MORN1: variants seen among roughly 807,000 people sequenced by gnomAD.
MORN1 encodes the protein MORN repeat containing 1, also known as MORN repeat-containing protein 1.
In MORN1, 67 loss-of-function variants were observed where a neutral mutation model predicts 61.9. The ratio of observed to expected loss-of-function variants is 1.08; its 90% CI spans 0.89 to 1.33. The LOEUF is 1.33. Ranked by LOEUF, MORN1 falls within the 40% of genes most tolerant of loss-of-function variation. The pLI, the probability that MORN1 is intolerant of heterozygous loss-of-function variation, is 0.00. For synonymous variants in MORN1, 301 were observed against 292.0 expected (o/e 1.03, Z -0.31); for missense variants, 752 against 691.2 (o/e 1.09, Z -0.99).
rs75640403 is a variant in MORN1, at chr1:2,353,425, C to T, written c.1036+4007G>A. Reference sequence around the variant, plus strand: ...CCTGTCTGGAACTGGCCCACCCTTCCAGGCCTGAGCAGGGGTTGCTGACTG... The same window carrying T: ...CCTGTCTGGAACTGGCCCACCCTTCTAGGCCTGAGCAGGGGTTGCTGACTG... On this transcript the variant is annotated intron_variant, in intron 10 of 13. Coordinates refer to ENST00000378531, the MANE Select transcript of MORN1 (RefSeq NM_024848.3). Among the ~76,000 whole-genome samples the T allele has an allele frequency of 7.5e-3, 1,137 of 152,318 alleles. 7 individuals are homozygous for T. The highest frequency in any genetic ancestry group is 0.013 in the Non-Finnish European group (860 of 68,026).
intron 7 of MORN1, 47 bp downstream of exon 7, chr1:2,374,413 AC>A: frequency 1.3e-6 from 2 of 1,509,574 alleles, no homozygotes; most frequent in Non-Finnish European, 1.8e-6. Context: ...CCAGGGACAC[AC>A]CCCACAGTGG....
Position 2,387,521 on chromosome 1 carries a change from A to G in MORN1, c.256T>C (p.Phe86Leu). The change falls in exon 4 of 14, where the codon TTC (phenylalanine) becomes CTC (leucine). Residue 86 changes from phenylalanine (F) to leucine (L), a missense_variant. Transcript: ENST00000378531. ...TCTCCCAGAACAAACTGTCCAGAGA[A>G]GGTGTCTCCTGCATGTGGACAAGGA... The part of the protein sequence containing the change: ...RRHWAWSGDT[F>L]SGQFVLGEPQ... 1 of 1,611,326 alleles carries G rather than the reference A, an allele frequency of 6.2e-7. No individual in the cohort carries two copies. The highest frequency in any genetic ancestry group is 8.5e-7 in the Non-Finnish European group (1 of 1,179,380).
chr1:2,321,626 CCCTCCCTGG>C, intron 13 of MORN1, 47 bp from the exon 14 acceptor site: 1 of 1,429,754 alleles, frequency 7.0e-7, no homozygotes, highest in Non-Finnish European at 9.2e-7. Flanking sequence ...CTGTCCCTTC[CCCTCCCTGG>C]CCTCAGCCCA....
At chr1:2,374,319 A>T in intron 7 of MORN1, 142 bp downstream of exon 7, 1 of 660,492 alleles carries the variant, frequency 1.5e-6, no homozygotes, top group Non-Finnish European at 2.6e-6. Flanking sequence ...TTTTCCTTAA[A>T]AGGGGTGGGG....
At chr1:2,356,632 G>A (rs1641775889) in intron 10 of MORN1, among the ~76,000 whole-genome samples, 1 of 152,184 alleles carries the variant, frequency 6.6e-6, no homozygotes, top group East Asian at 1.9e-4. Context: ...GCAGGGCTGT[G>A]GCAAGAAGGA....
At chr1:2,384,832 A>T (rs1642453081) in intron 6 of MORN1, 146 bp downstream of exon 6, 18 of 660,518 alleles carry the variant, frequency 2.7e-5, no homozygotes, top group Non-Finnish European at 4.5e-5. Context: ...GGAGAGAGAA[A>T]CTTATCTTCC....
At chr1:2,382,943 C>A (rs1028528965) in intron 6 of MORN1, among the ~76,000 whole-genome samples, 2 of 152,146 alleles carry the variant, frequency 1.3e-5, no homozygotes, top group South Asian at 2.1e-4. Flanking sequence ...GACATGCATG[C>A]GGAGGGGAGC....
chr1:2,353,151 C>T (rs1368980837), intron 10 of MORN1, among the ~76,000 whole-genome samples: 1 of 152,228 alleles, frequency 6.6e-6, no homozygotes, highest in Non-Finnish European at 1.5e-5. Context: ...GGGAGCCAAG[C>T]AGGCAGCGCT....
intron 8 of MORN1, among the ~76,000 whole-genome samples, chr1:2,367,332 A>G (rs1642018760): frequency 6.6e-6 from 1 of 151,564 alleles, no homozygotes; most frequent in African/African-American, 2.4e-5. Context: ...AAAGAAAAAG[A>G]AAAAAGGCCA....
At chr1:2,350,148 A>G (rs1347173652) in intron 10 of MORN1, among the ~76,000 whole-genome samples, 1 of 152,260 alleles carries the variant, frequency 6.6e-6, no homozygotes, top group African/African-American at 2.4e-5. Flanking sequence ...AAAGGTTAAG[A>G]GACTAAATAT....
intron 12 of MORN1, chr1:2,332,061 C>G (rs1641170179): frequency 5.9e-6 from 1 of 168,352 alleles, no homozygotes; most frequent in South Asian, 1.2e-4. Context: ...CACTTTTCAT[C>G]TTTGTCGATT....
intron 10 of MORN1, among the ~76,000 whole-genome samples, chr1:2,338,244 G>A (rs548939098): frequency 2.0e-5 from 3 of 152,306 alleles, no homozygotes; most frequent in Admixed American, 2.0e-4. Flanking sequence ...CTCTCTCAGA[G>A]GTGTCTTAAT....
chr1:2,361,473 A>G (rs1239130898), intron 8 of MORN1, among the ~76,000 whole-genome samples: 2 of 152,048 alleles, frequency 1.3e-5, no homozygotes, highest in Non-Finnish European at 2.9e-5. Context: ...CAGGAGAATC[A>G]TTTGAACCTG....
At chr1:2,379,136 C>T (rs539923002) in intron 6 of MORN1, 3 of 471,102 alleles carry the variant, frequency 6.4e-6, no homozygotes, top group Admixed American at 4.7e-5. Flanking sequence ...AACAGGTCTC[C>T]CGGAGGGGCC....
chr1:2,327,125 CAAACACAG>C (rs749530434), intron 12 of MORN1, among the ~76,000 whole-genome samples: 2 of 144,246 alleles, frequency 1.4e-5, no homozygotes, highest in Non-Finnish European at 3.0e-5. Flanking sequence ...AACACAGAAA[CAAACACAG>C]AAACACAGAG....
At chr1:2,356,842 T>A (rs1641781541) in intron 10 of MORN1, among the ~76,000 whole-genome samples, 1 of 152,198 alleles carries the variant, frequency 6.6e-6, no homozygotes, top group Non-Finnish European at 1.5e-5. Flanking sequence ...TCTGGAATGA[T>A]CCCTGTGAAG....
At position 2,367,440 on chromosome 1, in the gene MORN1, T is replaced by A. The variant is rs1251865279; in HGVS notation, c.745+5041A>T. 2.7e-5 allele frequency among the ~76,000 whole-genome samples: 4 copies of A among 146,232 alleles called. No homozygotes were observed. The East Asian group carries it at 8.1e-4, about 29-fold the overall frequency. On this transcript the variant is annotated intron_variant, in intron 8 of 13. Coordinates refer to ENST00000378531, the MANE Select transcript of MORN1 (RefSeq NM_024848.3). Reference sequence around the variant, plus strand: ...TTTGAGACCAGCCTGGGCAACATAGTGAGATTCTGTCTCTACAAAAAAAAA... The same window carrying A: ...TTTGAGACCAGCCTGGGCAACATAGAGAGATTCTGTCTCTACAAAAAAAAA...
chr1:2,351,656 G>GA (rs1394598560), intron 10 of MORN1: 1 of 363,764 alleles, frequency 2.7e-6, no homozygotes, highest in African/African-American at 2.2e-5. Flanking sequence ...AAGCGGAGGG[G>GA]CCCGAAACCC....
chr1:2,375,667 G>A (rs1181266946), intron 6 of MORN1: 1 of 152,268 alleles, frequency 6.6e-6, no homozygotes, highest in Non-Finnish European at 1.5e-5. Context: ...CTGGCAGCCC[G>A]CGTGGGTGCC....
Sources: gnomAD v4.1 joint callset for allele counts (sites outside exome capture counted in the v4.1 genomes callset) on GRCh38, gnomAD v4.1.1 for gene constraint, MANE v1.5 for transcripts, NCBI Gene and HGNC (gene_info 2026-07-23, HGNC 2026-07-21) for gene names.